PVT1: variants seen among roughly 807,000 people sequenced by gnomAD.
The protein encoded by PVT1 is Pvt1 oncogene.
chr8:127,867,132 G>C (rs936733661), intron 2 of PVT1, among the ~76,000 whole-genome samples: 1 of 152,234 alleles, frequency 6.6e-6, no homozygotes, highest in Admixed American at 6.5e-5. Flanking sequence ...ACCTGCCTGC[G>C]GCCTTCCTCG....
rs540078552 is a variant in PVT1 at position 128,047,191 on chromosome 8, G to A, written n.913-22969G>A. 8.5e-5 allele frequency among the ~76,000 whole-genome samples: 13 copies of A among 152,356 alleles called. No homozygotes were observed. The South Asian group carries it at 2.7e-3, about 32-fold the overall frequency. The stretch of plus-strand genomic sequence containing the variant: ...AGTTTTTGATGTATGCTGAGCTTCA[G>A]TGGAGATTTGCTAGCCTTGGGCTTT... On this transcript the variant is annotated intron_variant and non_coding_transcript_variant, in intron 4 of 10. Transcript: ENST00000651587.
intron 4 of PVT1, among the ~76,000 whole-genome samples, chr8:128,037,074 G>T (rs1586491774): frequency 6.6e-6 from 1 of 152,306 alleles, no homozygotes; most frequent in East Asian, 1.9e-4. Context: ...CACCGCCACT[G>T]CCACTGCCAG....
At chr8:128,056,810 C>T (rs547918931) in intron 4 of PVT1, among the ~76,000 whole-genome samples, 1 of 152,312 alleles carries the variant, frequency 6.6e-6, no homozygotes, top group South Asian at 2.1e-4. Flanking sequence ...CTGATAGAAA[C>T]GTCATAGGCG....
At chr8:127,912,844 C>A (rs1280065377) in intron 3 of PVT1, among the ~76,000 whole-genome samples, 3 of 152,180 alleles carry the variant, frequency 2.0e-5, no homozygotes, top group Non-Finnish European at 4.4e-5. Flanking sequence ...TTACAGACAC[C>A]TGCCACCAGG....
chr8:128,093,083 T>G (rs1392213726), intron 5 of PVT1, among the ~76,000 whole-genome samples: 1 of 152,214 alleles, frequency 6.6e-6, no homozygotes, highest in Non-Finnish European at 1.5e-5. Flanking sequence ...TTTTGATCTT[T>G]TCATATTTTT....
chr8:127,966,044 G>C (rs79813907), intron 3 of PVT1, among the ~76,000 whole-genome samples: 6 of 152,190 alleles, frequency 3.9e-5, no homozygotes, highest in African/African-American at 1.4e-4. Context: ...GCACATGGAG[G>C]GGGTAGCTTG....
intron 2 of PVT1, among the ~76,000 whole-genome samples, chr8:127,889,992 C>A (rs1288955149): frequency 6.6e-6 from 1 of 152,192 alleles, no homozygotes; most frequent in Non-Finnish European, 1.5e-5. Context: ...AAAGCTATCA[C>A]CCTCCTGATG....
At chr8:128,036,973 C>G (rs553506612) in intron 4 of PVT1, among the ~76,000 whole-genome samples, 2 of 152,338 alleles carry the variant, frequency 1.3e-5, no homozygotes, top group South Asian at 2.1e-4. Context: ...GGCTCCTTCC[C>G]TGGGACATTT....
intron 3 of PVT1, among the ~76,000 whole-genome samples, chr8:127,922,396 A>T (rs1316282038): frequency 4.6e-5 from 7 of 150,598 alleles, no homozygotes; most frequent in Non-Finnish European, 1.0e-4. Flanking sequence ...AGATGCTGCA[A>T]CCCCTCTCCC....
intron 3 of PVT1, among the ~76,000 whole-genome samples, chr8:127,911,528 C>T (rs1298732661): frequency 2.0e-5 from 3 of 152,342 alleles, no homozygotes; most frequent in South Asian, 4.1e-4. Context: ...TGGAGGTCTC[C>T]GGAGGAGATG....
chr8:128,069,099 G>A (rs759531333), intron 4 of PVT1, among the ~76,000 whole-genome samples: 1 of 152,152 alleles, frequency 6.6e-6, no homozygotes, highest in African/African-American at 2.4e-5. Context: ...GAGAAGAGGC[G>A]GCACCTTAAG....
chr8:128,002,490 C>G (rs1170655406), intron 4 of PVT1, among the ~76,000 whole-genome samples: 2 of 152,204 alleles, frequency 1.3e-5, no homozygotes, highest in African/African-American at 4.8e-5. Context: ...GTTGTGGAAG[C>G]CAGAAGTCTG....
intron 4 of PVT1, among the ~76,000 whole-genome samples, chr8:128,025,032 G>A (rs1169430684): frequency 6.6e-6 from 1 of 152,226 alleles, no homozygotes; most frequent in East Asian, 1.9e-4. Context: ...CACCTCCAAG[G>A]ATCTGAGGAG....
chr8:127,844,262 G>A (rs926504594), intron 2 of PVT1, among the ~76,000 whole-genome samples: 1 of 152,144 alleles, frequency 6.6e-6, no homozygotes, highest in Non-Finnish European at 1.5e-5. Context: ...TTAGCAGAAT[G>A]TAGTGCCCTC....
chr8:127,921,616 A>G (rs1816058437), intron 3 of PVT1, among the ~76,000 whole-genome samples: 1 of 152,046 alleles, frequency 6.6e-6, no homozygotes, highest in Non-Finnish European at 1.5e-5. Flanking sequence ...GTTTGAGACC[A>G]GTCTGGCCAA....
chr8:128,097,096 C>G (rs1294266205), intron 6 of PVT1, among the ~76,000 whole-genome samples: 1 of 152,244 alleles, frequency 6.6e-6, no homozygotes, highest in Non-Finnish European at 1.5e-5. Flanking sequence ...TACAGTGGCT[C>G]ACACCTGTAA....
rs115246874 is a variant in PVT1 at position 127,929,957 on chromosome 8, G to T, written n.782+38959G>T. Among the ~76,000 whole-genome samples the T allele has an allele frequency of 5.4e-3, 823 of 152,296 alleles. 14 individuals carry two copies. The highest frequency in any genetic ancestry group is 0.019 in the African/African-American group (786 of 41,572). On this transcript the variant is annotated intron_variant and non_coding_transcript_variant, in intron 3 of 10. Transcript: ENST00000651587. ...GTGTCAGCTTCCTGATCTTCCTATA[G>T]AACATGGTCCTAAGGGAGAATGTCT...
At chr8:127,969,127 A>T (rs1211178223) in intron 3 of PVT1, among the ~76,000 whole-genome samples, 1 of 152,160 alleles carries the variant, frequency 6.6e-6, no homozygotes, top group Non-Finnish European at 1.5e-5. Context: ...CTCCATTTAG[A>T]GCAAGGAATT....
At chr8:127,979,828 CT>C (rs1285688110) in intron 3 of PVT1, among the ~76,000 whole-genome samples, 1 of 148,258 alleles carries the variant, frequency 6.7e-6, no homozygotes, top group African/African-American at 2.4e-5. Flanking sequence ...ACTTTAGTAA[CT>C]GCTTTAGAAG....
Sources: gnomAD v4.1 joint callset for allele counts (sites outside exome capture counted in the v4.1 genomes callset) on GRCh38, gnomAD v4.1.1 for gene constraint, MANE v1.5 for transcripts, NCBI Gene and HGNC (gene_info 2026-07-23, HGNC 2026-07-21) for gene names.